PHACTR1: variants seen among roughly 807,000 people sequenced by gnomAD.
PHACTR1 encodes the protein RPEL repeat containing 1.
Under a neutral mutation model 69.2 loss-of-function variants are expected in PHACTR1, and 16 were observed. That is an observed-to-expected ratio of 0.23 (90% confidence interval 0.16 to 0.35). The LOEUF is 0.35. Among genes scored for constraint, PHACTR1 ranks in the 10% least tolerant of loss-of-function variants. PHACTR1 has a pLI of 1.00. For synonymous variants in PHACTR1, 312 were observed against 284.5 expected (o/e 1.10, Z -0.97); for missense variants, 510 against 734.7 (o/e 0.69, Z 3.54).
At chr6:13,103,880 C>T (rs993950667) in intron 5 of PHACTR1, among the ~76,000 whole-genome samples, 2 of 152,128 alleles carry the variant, frequency 1.3e-5, no homozygotes, top group African/African-American at 4.8e-5. Flanking sequence ...GGTCAGGAGG[C>T]TGAAACCAGC....
At chr6:13,083,863 T>C (rs1207995297) in intron 5 of PHACTR1, among the ~76,000 whole-genome samples, 2 of 152,264 alleles carry the variant, frequency 1.3e-5, no homozygotes, top group East Asian at 3.9e-4. Context: ...GATGGGGTTT[T>C]CTAAATATAC....
chr6:12,745,847 A>T (rs1183393537), intron 3 of PHACTR1, among the ~76,000 whole-genome samples: 1 of 152,230 alleles, frequency 6.6e-6, no homozygotes, highest in Non-Finnish European at 1.5e-5. Context: ...AATGGGACCC[A>T]TGCTGGTAGA....
At chr6:13,247,535 G>A (rs1039231229) in intron 10 of PHACTR1, among the ~76,000 whole-genome samples, 4 of 152,036 alleles carry the variant, frequency 2.6e-5, no homozygotes, top group African/African-American at 7.2e-5. Flanking sequence ...TAGTAGACAC[G>A]GGGTTTTACC....
At chr6:12,744,039 C>T (rs1399803526) in intron 3 of PHACTR1, among the ~76,000 whole-genome samples, 1 of 152,158 alleles carries the variant, frequency 6.6e-6, no homozygotes, top group East Asian at 1.9e-4. Context: ...AACTGAACAA[C>T]CTGCTCCTGA....
At chr6:12,748,469 T>A (rs1199212654) in intron 3 of PHACTR1, among the ~76,000 whole-genome samples, 1 of 152,100 alleles carries the variant, frequency 6.6e-6, no homozygotes, top group Non-Finnish European at 1.5e-5. Context: ...AGAAGAGTGG[T>A]AAACTCAGGC....
intron 5 of PHACTR1, among the ~76,000 whole-genome samples, chr6:13,080,747 TATAAAA>T (rs1193136054): frequency 2.0e-5 from 3 of 151,986 alleles, no homozygotes; most frequent in African/African-American, 7.2e-5. Flanking sequence ...AGAAGGAAAA[TATAAAA>T]AGAAAACCTG....
chr6:13,144,632 G>C lies in PHACTR1; in HGVS notation c.416-15572G>C, dbSNP rs183942758. ...TATGTGTGAATTAGCCAAATGTGGT[G>C]GCACATGACTGTAGTCCCAGCTGCT... On this transcript the variant is annotated intron_variant, in intron 5 of 14. Transcript: ENST00000332995. 7.1e-3 allele frequency among the ~76,000 whole-genome samples: 1,074 copies of C among 152,076 alleles called. 3 individuals are homozygous for C. The highest frequency in any genetic ancestry group is 0.012 in the Non-Finnish European group (806 of 67,998).
intron 4 of PHACTR1, among the ~76,000 whole-genome samples, chr6:12,807,625 C>A (rs903696874): frequency 6.6e-6 from 1 of 152,194 alleles, no homozygotes; most frequent in Non-Finnish European, 1.5e-5. Context: ...TTACAAAGAG[C>A]GGATAAGAAC....
At chr6:13,182,303 G>A (rs1326322783) in intron 6 of PHACTR1, among the ~76,000 whole-genome samples, 2 of 152,140 alleles carry the variant, frequency 1.3e-5, no homozygotes, top group Non-Finnish European at 2.9e-5. Context: ...GAGAAAACAG[G>A]CAAAATGCTG....
intron 4 of PHACTR1, among the ~76,000 whole-genome samples, chr6:12,978,613 G>A (rs916408282): frequency 4.6e-5 from 7 of 152,204 alleles, no homozygotes; most frequent in Non-Finnish European, 8.8e-5. Flanking sequence ...TCTGGGATAC[G>A]TTGTTGCTCT....
intron 5 of PHACTR1, among the ~76,000 whole-genome samples, chr6:13,120,656 G>A (rs1416667430): frequency 6.6e-6 from 1 of 152,138 alleles, no homozygotes; most frequent in Admixed American, 6.5e-5. Flanking sequence ...TCTCTTTTAT[G>A]TAATCCTGCA....
At chr6:12,793,784 T>C (rs1772631769) in intron 4 of PHACTR1, among the ~76,000 whole-genome samples, 1 of 152,218 alleles carries the variant, frequency 6.6e-6, no homozygotes, top group African/African-American at 2.4e-5. Flanking sequence ...CATGTTTCTG[T>C]TTTCTTTAAT....
At chr6:13,111,307 TA>T (rs1399181146) in intron 5 of PHACTR1, among the ~76,000 whole-genome samples, 1 of 152,206 alleles carries the variant, frequency 6.6e-6, no homozygotes, top group African/African-American at 2.4e-5. Flanking sequence ...CCAATTTAAG[TA>T]AAAATTTGTA....
intron 5 of PHACTR1, among the ~76,000 whole-genome samples, chr6:13,103,429 A>G (rs1370604477): frequency 6.6e-6 from 1 of 152,210 alleles, no homozygotes; most frequent in Non-Finnish European, 1.5e-5. Context: ...TTGCATGGTG[A>G]TTATGTTACT....
At chr6:13,281,154 A>G in intron 12 of PHACTR1, 1 of 1,279,328 alleles carries the variant, frequency 7.8e-7, no homozygotes, top group Non-Finnish European at 1.0e-6. Context: ...TTCACTCCAG[A>G]CTCTGCCATA....
chr6:12,968,534 G>A (rs1376893028), intron 4 of PHACTR1, among the ~76,000 whole-genome samples: 2 of 152,130 alleles, frequency 1.3e-5, no homozygotes, highest in Non-Finnish European at 2.9e-5. Flanking sequence ...ACATTTGCCC[G>A]TTAAACAATA....
At chr6:13,093,487 A>G (rs1262048451) in intron 5 of PHACTR1, among the ~76,000 whole-genome samples, 1 of 152,180 alleles carries the variant, frequency 6.6e-6, no homozygotes, top group Non-Finnish European at 1.5e-5. Context: ...TTACTGTTCC[A>G]TCCAGCATGC....
At chr6:13,005,710 G>A (rs1368631707) in intron 4 of PHACTR1, among the ~76,000 whole-genome samples, 2 of 152,104 alleles carry the variant, frequency 1.3e-5, no homozygotes, top group African/African-American at 2.4e-5. Context: ...CACTTCACAA[G>A]TCTTAGAGCA....
intron 4 of PHACTR1, among the ~76,000 whole-genome samples, chr6:13,039,881 A>G (rs867040384): frequency 2.6e-5 from 4 of 152,220 alleles, no homozygotes; most frequent in South Asian, 2.1e-4. Context: ...TTATCTGTGA[A>G]TACTGATAAT....
Sources: allele counts gnomAD v4.1 joint callset (sites outside exome capture counted in the v4.1 genomes callset), GRCh38; gene constraint gnomAD v4.1.1; transcripts MANE v1.5; gene names NCBI Gene and HGNC (gene_info 2026-07-23, HGNC 2026-07-21).